The following AHI1 variants were observed in gnomAD, a reference collection of about 807,000 sequenced individuals.
AHI1 encodes jouberin.
AHI1 carries 123 observed loss-of-function variants against 149.3 expected under a neutral mutation model. That is an observed-to-expected ratio of 0.82 (90% CI 0.71 to 0.96). The LOEUF (loss-of-function observed/expected upper bound fraction) is 0.96. Ranked by LOEUF, AHI1 falls within the 40% of genes least tolerant of loss-of-function variation. The pLI, the probability that AHI1 is intolerant of heterozygous loss-of-function variation, is 0.00. For missense variants in AHI1, 1,439 were observed against 1,422.7 expected, an observed-to-expected ratio of 1.01 and a Z score of -0.18; for synonymous variants, 475 against 459.8, an observed-to-expected ratio of 1.03 and a Z score of -0.42.
At chr6:135,401,168 G>A (rs1050606052) in intron 22 of AHI1, among the ~76,000 whole-genome samples, 1 of 152,168 alleles carries the variant, frequency 6.6e-6, no homozygotes, top group Non-Finnish European at 1.5e-5. Context: ...TCCTTGTTAA[G>A]TGTTTCTCTC....
chr6:135,387,103 A>C (rs1197769618), intron 23 of AHI1, among the ~76,000 whole-genome samples: 2 of 151,940 alleles, frequency 1.3e-5, no homozygotes, highest in Admixed American at 1.3e-4. Context: ...AGCTGGTCTC[A>C]AACTCCTGAG....
At chr6:135,400,530 A>G (rs898367265) in intron 22 of AHI1, among the ~76,000 whole-genome samples, 1 of 152,152 alleles carries the variant, frequency 6.6e-6, no homozygotes, top group Non-Finnish European at 1.5e-5. Context: ...ACAGATACAT[A>G]AAGATTAGAA....
intron 24 of AHI1, among the ~76,000 whole-genome samples, chr6:135,329,092 C>T (rs1045826767): frequency 6.6e-6 from 1 of 152,264 alleles, no homozygotes; most frequent in East Asian, 1.9e-4. Context: ...AAGCCATCTC[C>T]GTAACATAAA....
intron 23 of AHI1, chr6:135,387,788 C>T: frequency 7.6e-7 from 1 of 1,317,786 alleles, no homozygotes; most frequent in Non-Finnish European, 9.7e-7. Context: ...CTCCCATAAC[C>T]TCATACTGTT....
rs983238340 is a variant in AHI1, at chr6:135,411,668, A to G, written c.2765-124T>C. ...ACATCTTAAAAACTGGGTAATAATA[A>G]GACACCATAACTAGCAAAATTTGAA... On this transcript the variant is annotated intron_variant, in intron 20 of 28. Coordinates refer to ENST00000265602, the MANE Select transcript of AHI1 (RefSeq NM_001134831.2). 4.4e-6 allele frequency: 3 copies of G among 681,892 alleles called. No homozygotes were observed. In the African/African-American group the frequency reaches 5.5e-5, roughly 13 times the overall value. The allele number at this position is 681,892 out of a possible 1,614,324, so 42.2% of individuals were successfully genotyped here. A position where few individuals can be genotyped will look rare whatever the true frequency, so the allele number is the denominator to read the frequency against.
At chr6:135,418,488 A>C (rs1782690366) in intron 20 of AHI1, among the ~76,000 whole-genome samples, 1 of 152,112 alleles carries the variant, frequency 6.6e-6, no homozygotes, top group South Asian at 2.1e-4. Context: ...TATGTTCTTG[A>C]GTTAAACAAT....
At chr6:135,453,784 G>T (rs1788497567) in intron 10 of AHI1, among the ~76,000 whole-genome samples, 1 of 152,046 alleles carries the variant, frequency 6.6e-6, no homozygotes, top group African/African-American at 2.4e-5. Flanking sequence ...AGGATTGTTT[G>T]TTTAAAAAAC....
chr6:135,477,013 A>C (rs1455808053), intron 5 of AHI1, among the ~76,000 whole-genome samples: 1 of 145,744 alleles, frequency 6.9e-6, no homozygotes, highest in Non-Finnish European at 1.5e-5. Context: ...TGTTTGTCCT[A>C]TTTGTTTTTT....
intron 23 of AHI1, among the ~76,000 whole-genome samples, chr6:135,363,909 C>A (rs530156151): frequency 1.7e-3 from 249 of 149,126 alleles, no homozygotes; most frequent in Non-Finnish European, 2.6e-3. Context: ...CCCCCCACCT[C>A]CCTCCCGGAT....
chr6:135,353,751 T>G (rs1197846306), intron 24 of AHI1, among the ~76,000 whole-genome samples: 1 of 152,108 alleles, frequency 6.6e-6, no homozygotes, highest in African/African-American at 2.4e-5. Context: ...AGTTTAGTGT[T>G]AATGGCAAAC....
At chr6:135,391,591 C>T (rs545777127) in intron 23 of AHI1, among the ~76,000 whole-genome samples, 7 of 152,200 alleles carry the variant, frequency 4.6e-5, no homozygotes, top group African/African-American at 1.2e-4. Context: ...TTCCTCAGTG[C>T]GGTATGATTT....
intron 11 of AHI1, among the ~76,000 whole-genome samples, chr6:135,450,514 C>T (rs887726301): frequency 6.6e-6 from 1 of 152,132 alleles, no homozygotes; most frequent in Non-Finnish European, 1.5e-5. Context: ...TCAAATGACA[C>T]ACAGGGGTAA....
intron 2 of AHI1, among the ~76,000 whole-genome samples, chr6:135,496,396 G>C (rs1462847739): frequency 3.9e-5 from 6 of 152,156 alleles, no homozygotes; most frequent in Admixed American, 2.0e-4. Flanking sequence ...AGGATTACAG[G>C]CGTGACCCAC....
In AHI1 at chr6:135,324,900, C is replaced by A. The variant is rs576919619; in HGVS notation, c.3166-1576G>T. Among the ~76,000 whole-genome samples, 6 of 152,240 alleles carry A rather than the reference C, an allele frequency of 3.9e-5. No individual in the cohort carries two copies. In the East Asian group the frequency reaches 1.2e-3, roughly 29 times the overall value. On this transcript the variant is annotated intron_variant, in intron 24 of 28. Transcript: ENST00000265602. ...GAATGAGTTTGGACTTAACTGCTGT[C>A]ACCATATAAGGGCAGTAATGATAAT...
chr6:135,290,913 A>AC (rs1782272307), intron 27 of AHI1, among the ~76,000 whole-genome samples: 1 of 146,178 alleles, frequency 6.8e-6, no homozygotes, highest in African/African-American at 2.5e-5. Flanking sequence ...AACACACACA[A>AC]ACACACACAC....
chr6:135,288,787 T>A (rs1258172004), intron 28 of AHI1, among the ~76,000 whole-genome samples: 3 of 151,992 alleles, frequency 2.0e-5, no homozygotes, highest in Non-Finnish European at 2.9e-5. Context: ...CTATAAGAGA[T>A]TCCTTGAAGT....
chr6:135,435,838 CTG>C (rs1161328040), intron 15 of AHI1, among the ~76,000 whole-genome samples: 1 of 152,140 alleles, frequency 6.6e-6, no homozygotes, highest in African/African-American at 2.4e-5. Context: ...CGTGACAAAA[CTG>C]TGAGCCTTTT....
intron 23 of AHI1, among the ~76,000 whole-genome samples, chr6:135,388,281 A>G (rs938946304): frequency 1.3e-5 from 2 of 152,222 alleles, no homozygotes; most frequent in Non-Finnish European, 2.9e-5. Context: ...AAGTTCATGA[A>G]GTAATACTAA....
chr6:135,482,894 C>CTGTTTTTTTTTTTTTTTT (rs1793899273), intron 5 of AHI1, among the ~76,000 whole-genome samples: 2 of 55,734 alleles, frequency 3.6e-5, no homozygotes, highest in East Asian at 6.0e-4. Context: ...CCATTTAAGG[C>CTGTTTTTTTTTTTTTTTT]TTTTTTTTTT....
Sources: allele counts gnomAD v4.1 joint callset (sites outside exome capture counted in the v4.1 genomes callset), GRCh38; gene constraint gnomAD v4.1.1; transcripts MANE v1.5; gene names NCBI Gene and HGNC (gene_info 2026-07-23, HGNC 2026-07-21).